Variants in DACH1 observed in about 807,000 individuals in gnomAD.
The protein encoded by DACH1 is dachshund family transcription factor 1.
DACH1 carries 12 observed loss-of-function variants against 54.2 expected under a neutral mutation model. The ratio of observed to expected loss-of-function variants is 0.22; its 90% CI spans 0.14 to 0.36. DACH1 has a LOEUF of 0.36. Among genes scored for constraint, DACH1 ranks in the 10% least tolerant of loss-of-function variants. The pLI, the probability that DACH1 is intolerant of heterozygous loss-of-function variation, is 1.00. For missense variants in DACH1, 805 were observed against 929.8 expected (o/e 0.87, Z 1.75); for synonymous variants, 386 against 366.2 (o/e 1.05, Z -0.62).
intron 1 of DACH1, among the ~76,000 whole-genome samples, chr13:71,855,126 A>G (rs200552111): frequency 6.6e-6 from 1 of 152,074 alleles, no homozygotes; most frequent in Non-Finnish European, 1.5e-5. Flanking sequence ...TATAATTATT[A>G]TTAGAGACTT....
chr13:71,643,263 G>A (rs191234704), intron 2 of DACH1, among the ~76,000 whole-genome samples: 53 of 152,166 alleles, frequency 3.5e-4, no homozygotes, highest in Non-Finnish European at 7.4e-4. Flanking sequence ...GTAATACCTG[G>A]AATATGTGGC....
At chr13:71,620,215 GAA>G in intron 3 of DACH1, among the ~76,000 whole-genome samples, 1 of 152,012 alleles carries the variant, frequency 6.6e-6, no homozygotes, top group Non-Finnish European at 1.5e-5. Context: ...AGCAAAAACA[GAA>G]AGATACAAGC....
rs73523473 is a variant in DACH1, at chr13:71,717,682, T to C, written c.849-35772A>G. ...CAGGGAGAGGAAAATATAAAGTCGATGGAAAAAAAAATCTAGTTTTCTTCA... is the reference window on the plus strand; with the variant it reads ...CAGGGAGAGGAAAATATAAAGTCGACGGAAAAAAAAATCTAGTTTTCTTCA... On this transcript the variant is annotated intron_variant, in intron 1 of 10. Transcript: ENST00000613252. 5.9e-3 allele frequency among the ~76,000 whole-genome samples: 903 copies of C among 151,898 alleles called. 14 individuals carry two copies. The highest frequency in any genetic ancestry group is 0.021 in the African/African-American group (852 of 41,472).
intron 1 of DACH1, among the ~76,000 whole-genome samples, chr13:71,821,151 A>G (rs1007330996): frequency 3.9e-5 from 6 of 152,170 alleles, no homozygotes; most frequent in Non-Finnish European, 8.8e-5. Context: ...GGGCTTGCCT[A>G]CTTCTCCCAT....
chr13:71,866,814 A>C lies in DACH1; in HGVS notation c.-45T>G. 7.9e-7 allele frequency: 1 copy of C among 1,264,728 alleles called. No individual in the cohort carries two copies. The highest frequency in any genetic ancestry group is 3.1e-5 in the East Asian group (1 of 32,038). The allele number at this position is 1,264,728 out of a possible 1,614,324, so 78.3% of individuals were successfully genotyped here. A position where few individuals can be genotyped will look rare whatever the true frequency, so the allele number is the denominator to read the frequency against. On this transcript the variant is annotated 5_prime_UTR_variant, in exon 1 of 11. Coordinates refer to ENST00000613252, the MANE Select transcript of DACH1 (RefSeq NM_080759.6). ...CAGACGGAGGAGAAGCGAGAGGAAA[A>C]GTTGCCACACACCCCCGGGAGGGGA...
At chr13:71,513,688 T>A (rs1261786603) in intron 6 of DACH1, among the ~76,000 whole-genome samples, 1 of 152,098 alleles carries the variant, frequency 6.6e-6, no homozygotes, top group Non-Finnish European at 1.5e-5. Context: ...AGCATCATAT[T>A]AAATCTAAAC....
chr13:71,709,670 C>G (rs1882618453), intron 1 of DACH1, among the ~76,000 whole-genome samples: 1 of 152,140 alleles, frequency 6.6e-6, no homozygotes, highest in Admixed American at 6.5e-5. Flanking sequence ...CATTGCTAAT[C>G]TCTTCCTTTG....
intron 6 of DACH1, among the ~76,000 whole-genome samples, chr13:71,492,745 G>A (rs1352205019): frequency 6.8e-6 from 1 of 147,946 alleles, no homozygotes; most frequent in African/African-American, 2.5e-5. Flanking sequence ...GTGTGTGAGT[G>A]TGTGTGTGTG....
chr13:71,617,369 C>T (rs1477058457), intron 3 of DACH1, among the ~76,000 whole-genome samples: 1 of 152,042 alleles, frequency 6.6e-6, no homozygotes, highest in Non-Finnish European at 1.5e-5. Flanking sequence ...TCATGATTTA[C>T]AGCCAACTAA....
intron 3 of DACH1, among the ~76,000 whole-genome samples, chr13:71,610,672 T>G (rs763131925): frequency 6.6e-6 from 1 of 152,204 alleles, no homozygotes; most frequent in Non-Finnish European, 1.5e-5. Flanking sequence ...CTACATTGAT[T>G]AGAAATATTC....
At chr13:71,549,636 C>T (rs1252095377) in intron 6 of DACH1, among the ~76,000 whole-genome samples, 1 of 152,114 alleles carries the variant, frequency 6.6e-6, no homozygotes, top group Non-Finnish European at 1.5e-5. Context: ...AGGTTGTCAA[C>T]ACCAATAAAT....
intron 6 of DACH1, among the ~76,000 whole-genome samples, chr13:71,523,813 C>T (rs984109946): frequency 2.7e-4 from 41 of 152,016 alleles, no homozygotes; most frequent in Admixed American, 2.5e-3. Flanking sequence ...TCTCGAATAA[C>T]GTGTTTTGTC....
chr13:71,640,090 C>T (rs1318499113), intron 2 of DACH1, among the ~76,000 whole-genome samples: 1 of 151,854 alleles, frequency 6.6e-6, no homozygotes, highest in Non-Finnish European at 1.5e-5. Context: ...CAGAGTAATC[C>T]CAATTCGCCT....
chr13:71,790,205 A>C (rs1001958148), intron 1 of DACH1, among the ~76,000 whole-genome samples: 2 of 152,162 alleles, frequency 1.3e-5, no homozygotes, highest in Non-Finnish European at 2.9e-5. Flanking sequence ...AGGATTTGAA[A>C]CAGACTTTTT....
chr13:71,731,521 G>C (rs1432995776), intron 1 of DACH1, among the ~76,000 whole-genome samples: 1 of 152,094 alleles, frequency 6.6e-6, no homozygotes, highest in Non-Finnish European at 1.5e-5. Context: ...CTGACCTCGT[G>C]CTCGACCCGC....
chr13:71,805,423 A>G (rs150881912), intron 1 of DACH1, among the ~76,000 whole-genome samples: 1 of 152,148 alleles, frequency 6.6e-6, no homozygotes, highest in Non-Finnish European at 1.5e-5. Flanking sequence ...CAATTTTTTG[A>G]TATTTCATAT....
At chr13:71,556,918 T>C (rs1884288247) in intron 6 of DACH1, 106 bp downstream of exon 6, 2 of 1,212,696 alleles carry the variant, frequency 1.6e-6, no homozygotes, top group Admixed American at 2.8e-5. Flanking sequence ...AACATTTATA[T>C]GCTTTTTTTT....
At chr13:71,509,337 G>C (rs1880579982) in intron 6 of DACH1, among the ~76,000 whole-genome samples, 1 of 152,020 alleles carries the variant, frequency 6.6e-6, no homozygotes, top group Non-Finnish European at 1.5e-5. Context: ...TCAGAAACTG[G>C]AAAGGATGTG....
At chr13:71,815,597 G>A (rs1223761175) in intron 1 of DACH1, among the ~76,000 whole-genome samples, 1 of 152,140 alleles carries the variant, frequency 6.6e-6, no homozygotes, top group African/African-American at 2.4e-5. Flanking sequence ...ACTGTTTTTG[G>A]AACACTGATT....
Sources: allele counts gnomAD v4.1 joint callset (sites outside exome capture counted in the v4.1 genomes callset), GRCh38; gene constraint gnomAD v4.1.1; transcripts MANE v1.5; gene names NCBI Gene and HGNC (gene_info 2026-07-23, HGNC 2026-07-21).